AIMP1: variants seen among roughly 807,000 people sequenced by gnomAD.
AIMP1 encodes aminoacyl tRNA synthase complex-interacting multifunctional protein 1.
A neutral mutation model predicts 33.1 loss-of-function variants in AIMP1; 24 were observed. That is an observed-to-expected ratio of 0.73 (90% CI 0.53 to 1.02). The LOEUF (loss-of-function observed/expected upper bound fraction) is 1.02, where lower values mean the gene tolerates loss of function less well. Ranked by LOEUF, AIMP1 falls within the 50% of genes least tolerant of loss-of-function variation. AIMP1 has a pLI of 0.00. For synonymous variants in AIMP1, 120 were observed against 121.5 expected (o/e 0.99, Z 0.08); for missense variants, 367 against 364.8 (o/e 1.01, Z -0.05).
At chr4:106,334,616 TA>T (rs1234878080) in intron 5 of AIMP1, among the ~76,000 whole-genome samples, 8 of 152,064 alleles carry the variant, frequency 5.3e-5, no homozygotes, top group African/African-American at 1.9e-4. Context: ...CACATTTGTA[TA>T]AGGGAGTCAG....
In AIMP1 at chr4:106,331,584, C is replaced by T. The variant is rs544108809; in HGVS notation, c.392-88C>T. 5.3e-6 allele frequency: 6 copies of T among 1,137,488 alleles called. No homozygotes were observed. In the African/African-American group the frequency reaches 7.7e-5, roughly 15 times the overall value. The allele number at this position is 1,137,488 out of a possible 1,614,324, so 70.5% of individuals were successfully genotyped here. A position where few individuals can be genotyped will look rare whatever the true frequency, so the allele number is the denominator to read the frequency against. Reference sequence around the variant, plus strand: ...ATTCTTTTTATTTTTTCCTTTTAAGCTCATTGGTATGGATACCATGGAGTT... The same window carrying T: ...ATTCTTTTTATTTTTTCCTTTTAAGTTCATTGGTATGGATACCATGGAGTT... On this transcript the variant is annotated intron_variant, in intron 4 of 6. Coordinates refer to ENST00000672341, the MANE Select transcript of AIMP1 (RefSeq NM_001142416.2).
intron 4 of AIMP1, among the ~76,000 whole-genome samples, chr4:106,329,269 TAAG>T (rs1769576626): frequency 6.6e-6 from 1 of 152,226 alleles, no homozygotes; most frequent in Non-Finnish European, 1.5e-5. Flanking sequence ...TAAAGTACGT[TAAG>T]AAGTAGACAC....
At chr4:106,321,543 C>T (rs1769242009) in intron 1 of AIMP1, 2 of 153,136 alleles carry the variant, frequency 1.3e-5, no homozygotes, top group African/African-American at 2.5e-5. Flanking sequence ...GGAGCGTTTC[C>T]GCTTTCCGCC....
Position 106,336,882 on chromosome 4 carries a change from T to A in AIMP1, c.617T>A (p.Met206Lys), listed in dbSNP as rs923729103. ...TATTTCACACAGATGCAAAATCGGA[T>A]GGTGATTTTACTTTGTAACCTGAAA... Reference protein sequence around the residue: ...HVPLEQMQNRMVILLCNLKPA... With the variant: ...HVPLEQMQNRKVILLCNLKPA... The change falls in exon 6 of 7, where the codon ATG (methionine) becomes AAG (lysine). Residue 206 changes from methionine (M) to lysine (K), a missense_variant. By Grantham distance (95) the Met-to-Lys change is moderately conservative (BLOSUM62 -1). Coordinates refer to ENST00000672341, the MANE Select transcript of AIMP1 (RefSeq NM_001142416.2). 1.9e-6 allele frequency: 3 copies of A among 1,613,994 alleles called. No individual in the cohort carries two copies. The highest frequency in any genetic ancestry group is 2.5e-6 in the Non-Finnish European group (3 of 1,179,930).
chr4:106,346,922 A>G (rs962174387), intron 6 of AIMP1, among the ~76,000 whole-genome samples: 3 of 152,304 alleles, frequency 2.0e-5, no homozygotes, highest in South Asian at 2.1e-4. Context: ...CGGGCTGTAC[A>G]GGAAGCATGG....
intron 1 of AIMP1, among the ~76,000 whole-genome samples, chr4:106,320,601 A>G (rs1268599747): frequency 6.6e-6 from 1 of 152,116 alleles, no homozygotes; most frequent in Non-Finnish European, 1.5e-5. Context: ...TGTGATCCCT[A>G]GAAAAGATTA....
intron 6 of AIMP1, among the ~76,000 whole-genome samples, chr4:106,339,016 C>CTT (rs1269525257): frequency 6.6e-6 from 1 of 152,164 alleles, no homozygotes; most frequent in African/African-American, 2.4e-5. Context: ...CCTATGGGCC[C>CTT]TTTGTTTTGG....
chr4:106,322,347 T>C (rs1278263756), intron 1 of AIMP1, among the ~76,000 whole-genome samples: 1 of 151,816 alleles, frequency 6.6e-6, no homozygotes, highest in African/African-American at 2.4e-5. Context: ...GGTCACACAG[T>C]CTAAGTATAT....
Position 106,339,341 on chromosome 4 carries a change from C to T in AIMP1, c.772+2304C>T, listed in dbSNP as rs190755861. ...GAATTATAGCTCCCACAATTTTCAC[C>T]TGTCGTGGGAGGGACCTGGTAGGAG... On this transcript the variant is annotated intron_variant, in intron 6 of 6. Coordinates refer to ENST00000672341, the MANE Select transcript of AIMP1 (RefSeq NM_001142416.2). Among the ~76,000 whole-genome samples the T allele has an allele frequency of 5.4e-3, 823 of 152,280 alleles. 3 individuals are homozygous for T. Among genetic ancestry groups the T allele is most frequent in the Non-Finnish European group, 8.8e-3 (599 of 68,014 alleles).
chr4:106,319,139 TATAGC>T (rs1769097934), intron 1 of AIMP1, among the ~76,000 whole-genome samples: 1 of 152,202 alleles, frequency 6.6e-6, no homozygotes, highest in Non-Finnish European at 1.5e-5. Context: ...AGCGTTCCTA[TATAGC>T]ATAAGAATTC....
rs79468198 is a variant in AIMP1 at position 106,318,483 on chromosome 4, G to A, written c.-26+1889G>A. ...AGCAAATCAGGGAAAGAAGTTGGAA[G>A]GCAAGAATAGGAATGAAGGGAGGAG... On this transcript the variant is annotated intron_variant, in intron 1 of 6. Coordinates refer to ENST00000672341, the MANE Select transcript of AIMP1 (RefSeq NM_001142416.2). 5.0e-3 allele frequency among the ~76,000 whole-genome samples: 759 copies of A among 152,178 alleles called. 12 individuals carry two copies. Among genetic ancestry groups the A allele is most frequent in the East Asian group, 0.034 (175 of 5,184 alleles).
At chr4:106,321,825 A>T (rs1462403626) in intron 1 of AIMP1, among the ~76,000 whole-genome samples, 1 of 152,236 alleles carries the variant, frequency 6.6e-6, no homozygotes, top group Non-Finnish European at 1.5e-5. Flanking sequence ...AAGTAGACAT[A>T]GGAGACTCCA....
At chr4:106,335,406 AT>A (rs1228105485) in intron 5 of AIMP1, among the ~76,000 whole-genome samples, 2 of 152,136 alleles carry the variant, frequency 1.3e-5, no homozygotes, top group Non-Finnish European at 2.9e-5. Flanking sequence ...AAACATCTGT[AT>A]CTAACCCATC....
chr4:106,334,914 G>A (rs1769817017), intron 5 of AIMP1, among the ~76,000 whole-genome samples: 2 of 152,196 alleles, frequency 1.3e-5, no homozygotes, highest in South Asian at 4.1e-4. Flanking sequence ...ATAGAGCAGG[G>A]TTAATAACTG....
intron 2 of AIMP1, among the ~76,000 whole-genome samples, chr4:106,326,673 T>C (rs1769462874): frequency 6.6e-6 from 1 of 152,164 alleles, no homozygotes; most frequent in African/African-American, 2.4e-5. Flanking sequence ...AGAATAGTTT[T>C]TGCTTGTGTG....
intron 1 of AIMP1, among the ~76,000 whole-genome samples, chr4:106,321,002 C>T (rs1409115680): frequency 6.6e-6 from 1 of 152,220 alleles, no homozygotes. Flanking sequence ...CCAGCCTCGG[C>T]GTCCTGAGGT....
intron 6 of AIMP1, among the ~76,000 whole-genome samples, chr4:106,338,009 T>C (rs1255831843): frequency 1.3e-5 from 2 of 152,204 alleles, no homozygotes; most frequent in African/African-American, 4.8e-5. Flanking sequence ...TATGGAACTT[T>C]GAACTTGAGA....
intron 1 of AIMP1, among the ~76,000 whole-genome samples, chr4:106,324,310 G>A (rs1317877836): frequency 6.6e-6 from 1 of 151,690 alleles, no homozygotes; most frequent in Admixed American, 6.6e-5. Flanking sequence ...CTTAGTATGT[G>A]GCAGTTTAAA....
chr4:106,324,306 A>G (rs2125920539), intron 1 of AIMP1, among the ~76,000 whole-genome samples: 1 of 152,104 alleles, frequency 6.6e-6, no homozygotes, highest in South Asian at 2.1e-4. Context: ...TTTTCTTAGT[A>G]TGTGGCAGTT....
Sources: gnomAD v4.1 joint callset for allele counts (sites outside exome capture counted in the v4.1 genomes callset) on GRCh38, gnomAD v4.1.1 for gene constraint, MANE v1.5 for transcripts, NCBI Gene and HGNC (gene_info 2026-07-23, HGNC 2026-07-21) for gene names.